The following ARF5 variants were observed in gnomAD, a reference collection of about 807,000 sequenced individuals.
ARF5 encodes the protein ARF GTPase 5, also known as ADP-ribosylation factor 5.
In ARF5, 10 loss-of-function variants were observed where a neutral mutation model predicts 24.8. That is an observed-to-expected ratio of 0.40 (90% CI 0.25 to 0.68). The LOEUF is 0.68. ARF5 is among the 30% of genes least tolerant of loss of function. The pLI is 0.36. For missense variants in ARF5, 135 were observed against 239.2 expected (o/e 0.56, Z 2.87); for synonymous variants, 102 against 95.1 (o/e 1.07, Z -0.42).
At position 127,588,558 on chromosome 7, in the gene ARF5, T is replaced by C; in HGVS notation, c.60T>C (p.Ile20=). 2 of 1,450,282 alleles carry C rather than the reference T, an allele frequency of 1.4e-6. No homozygotes were observed. Among genetic ancestry groups the C allele is most frequent in the Non-Finnish European group, 9.2e-7 (1 of 1,086,868 alleles). The allele number at this position is 1,450,282 out of a possible 1,614,324, so 89.8% of individuals were successfully genotyped here. ...TCTTCGGGAAGAAGCAGATGCGGAT[T>C]CTCATGGGTGAGGCAGATCGAGCGC... is the stretch of plus-strand genomic sequence containing the variant. ...SRIFGKKQMR[I]LMVGLDAAGK... The change falls in exon 1 of 6, where the codon ATT becomes ATC. Residue 20 remains isoleucine, a synonymous_variant. Transcript: ENST00000000233.
At chr7:127,590,201 T>TA (rs1794263166) in intron 4 of ARF5, 64 bp downstream of exon 4, 1 of 1,405,296 alleles carries the variant, frequency 7.1e-7, no homozygotes, top group Non-Finnish European at 1.0e-6. Context: ...TCTGTAGTGG[T>TA]ATAGAAGTCA....
At chr7:127,589,039 C>T (rs1336187563) in intron 1 of ARF5, 44 bp from the exon 2 acceptor site, 3 of 1,604,408 alleles carry the variant, frequency 1.9e-6, no homozygotes, top group Non-Finnish European at 2.6e-6. Flanking sequence ...CTCTAGGGGG[C>T]TCCCTCGCTC....
rs984859633 is a variant in ARF5, at chr7:127,591,646, G to T, written c.*347G>T. ...TGGGAGGGGGAAGGTGAGGGCTTCGGGTGGTGCTATAATGTGGCACTGGAT... is the reference window on the plus strand; with the variant it reads ...TGGGAGGGGGAAGGTGAGGGCTTCGTGTGGTGCTATAATGTGGCACTGGAT... On this transcript the variant is annotated 3_prime_UTR_variant, in exon 6 of 6. Transcript: ENST00000000233. 1 of 307,688 alleles carries T rather than the reference G, an allele frequency of 3.3e-6. No individual in the cohort carries two copies. Among genetic ancestry groups the T allele is most frequent in the Admixed American group, 5.1e-5 (1 of 19,612 alleles). 19.1% of individuals were successfully genotyped at this position (307,688 alleles called of 1,614,324 possible).
At chr7:127,589,050 C>A in intron 1 of ARF5, 33 bp from the exon 2 acceptor site, 1 of 1,612,702 alleles carries the variant, frequency 6.2e-7, no homozygotes, top group Non-Finnish European at 8.5e-7. Flanking sequence ...TCCCTCGCTC[C>A]CATCTCCATC....
Position 127,591,310 on chromosome 7 carries a change from G to A in ARF5, c.*11G>A, listed in dbSNP as rs1794284309. On this transcript the variant is annotated 3_prime_UTR_variant, in exon 6 of 6. Transcript: ENST00000000233. ...CTGTCAAAGCGCTAACCAGCCAGGG[G>A]CAGGCCCCTGATGCCCGGAAGCTCC... 2 of 1,580,414 alleles carry A rather than the reference G, an allele frequency of 1.3e-6. No individual in the cohort carries two copies. Among genetic ancestry groups the A allele is most frequent in the African/African-American group, 1.4e-5 (1 of 73,308 alleles).
At chr7:127,590,622 T>C (rs62483173) in intron 4 of ARF5, among the ~76,000 whole-genome samples, 57,092 of 152,132 alleles carry the variant, frequency 0.38, 11,169 homozygotes, top group East Asian at 0.74. Flanking sequence ...AGTGAGCCAC[T>C]GCGCCCGGCC....
rs1794248314 is a variant in ARF5 at position 127,589,175 on chromosome 7, G to A, written c.148+12G>A. 1.9e-6 allele frequency: 3 copies of A among 1,613,930 alleles called. No homozygotes were observed. Among genetic ancestry groups the A allele is most frequent in the Non-Finnish European group, 1.7e-6 (2 of 1,179,938 alleles). ...CATCCCAACCATAGGTGAGCCCGGG[G>A]ACGAAGCAGGGAGCGGGAGCGCCGC... On this transcript the variant is annotated intron_variant, in intron 2 of 5. Coordinates refer to ENST00000000233, the MANE Select transcript of ARF5 (RefSeq NM_001662.4).
chr7:127,589,354 G>C (rs371927044), intron 2 of ARF5, 131 bp from the exon 3 acceptor site: 2 of 1,058,336 alleles, frequency 1.9e-6, no homozygotes, highest in East Asian at 2.4e-5. Context: ...TTGACCGCCA[G>C]TTCTGGGGTT....
chr7:127,589,766 C>T, intron 3 of ARF5, 172 bp downstream of exon 3: 1 of 621,006 alleles, frequency 1.6e-6, no homozygotes, highest in Non-Finnish European at 2.8e-6. Context: ...CTTAGTCTTC[C>T]CCAGCTTGGA....
At chr7:127,588,925 A>T in intron 1 of ARF5, 158 bp from the exon 2 acceptor site, 2 of 809,370 alleles carry the variant, frequency 2.5e-6, no homozygotes, top group Non-Finnish European at 3.9e-6. Context: ...ACGCCACCCG[A>T]CTGCCCTCCA....
Position 127,591,557 on chromosome 7 carries a change from A to G in ARF5, c.*258A>G, listed in dbSNP as rs1587537333. ...TCCTGGCCAAGGCCCCCTCTTCCAG[A>G]GGAGGAGCAGGGATCTGGGTTTCCT... On this transcript the variant is annotated 3_prime_UTR_variant, in exon 6 of 6. Transcript: ENST00000000233. 2.2e-6 allele frequency: 1 copy of G among 459,814 alleles called. No individual in the cohort carries two copies. Among genetic ancestry groups the G allele is most frequent in the Non-Finnish European group, 3.8e-6 (1 of 261,968 alleles). The allele number at this position is 459,814 out of a possible 1,614,324, so 28.5% of individuals were successfully genotyped here. A position where few individuals can be genotyped will look rare whatever the true frequency, so the allele number is the denominator to read the frequency against.
intron 1 of ARF5, chr7:127,588,836 T>C: frequency 3.5e-6 from 2 of 576,552 alleles, no homozygotes; most frequent in Non-Finnish European, 6.0e-6. Flanking sequence ...GAGACGACTT[T>C]TAAAACGAGC....
chr7:127,589,794 G>A lies in ARF5; in HGVS notation c.258+200G>A, dbSNP rs78893975. On this transcript the variant is annotated intron_variant, in intron 3 of 5. Coordinates refer to ENST00000000233, the MANE Select transcript of ARF5 (RefSeq NM_001662.4). ...AGCTTGGACTTCTCTTTAGAAGCAG[G>A]ATTCTGGGACCAGGCTGCCTGATTT... 7.3e-3 allele frequency: 4,431 copies of A among 609,966 alleles called. 159 individuals are homozygous for A. In the African/African-American group the frequency reaches 0.073, roughly 10 times the overall value. 37.8% of individuals were successfully genotyped at this position (609,966 alleles called of 1,614,324 possible).
At position 127,588,461 on chromosome 7, in the gene ARF5, C is replaced by A. The variant is rs753543464; in HGVS notation, c.-38C>A. ...CGCGGCCGGCCAGTTCCAGCCCGCA[C>A]CCCGCGTCGGTGCCCGCGCCCCTCC... On this transcript the variant is annotated 5_prime_UTR_variant, in exon 1 of 6. Transcript: ENST00000000233. 19 of 1,389,832 alleles carry A rather than the reference C, an allele frequency of 1.4e-5. No individual in the cohort carries two copies. Among genetic ancestry groups the A allele is most frequent in the Non-Finnish European group, 1.8e-5 (19 of 1,051,172 alleles). 86.1% of individuals were successfully genotyped at this position (1,389,832 alleles called of 1,614,324 possible).
chr7:127,589,262 A>C, intron 2 of ARF5, 99 bp downstream of exon 2: 1 of 1,383,782 alleles, frequency 7.2e-7, no homozygotes, highest in Non-Finnish European at 1.0e-6. Context: ...CCCTGACACC[A>C]GATACAGCTA....
intron 3 of ARF5, 29 bp from the exon 4 acceptor site, chr7:127,590,037 T>G: frequency 6.3e-7 from 1 of 1,598,516 alleles, no homozygotes; most frequent in Non-Finnish European, 8.6e-7. Flanking sequence ...AAGTGATTGC[T>G]TCTCCTTTCT....
chr7:127,590,005 C>A, intron 3 of ARF5, 61 bp from the exon 4 acceptor site: 1 of 1,407,554 alleles, frequency 7.1e-7, no homozygotes, highest in South Asian at 1.2e-5. Flanking sequence ...GAAAGGGCCA[C>A]ACTACGGTAT....
intron 3 of ARF5, 21 bp from the exon 4 acceptor site, chr7:127,590,045 T>TCTTC (rs772402404): frequency 6.2e-7 from 1 of 1,611,046 alleles, no homozygotes; most frequent in South Asian, 1.1e-5. Flanking sequence ...GCTTCTCCTT[T>TCTTC]CTTCCTTCCT....
At chr7:127,589,702 C>A in intron 3 of ARF5, 108 bp downstream of exon 3, 1 of 824,740 alleles carries the variant, frequency 1.2e-6, no homozygotes, top group Non-Finnish European at 1.9e-6. Flanking sequence ...AAAAACCCTT[C>A]CCCACTTCTA....
Sources: gnomAD v4.1 joint callset for allele counts (sites outside exome capture counted in the v4.1 genomes callset) on GRCh38, gnomAD v4.1.1 for gene constraint, MANE v1.5 for transcripts, NCBI Gene and HGNC (gene_info 2026-07-23, HGNC 2026-07-21) for gene names.